ZNF574: variants seen among roughly 807,000 people sequenced by gnomAD.
ZNF574 encodes the protein zinc finger protein 574.
ZNF574 carries 25 observed loss-of-function variants against 56.6 expected under a neutral mutation model. The ratio of observed to expected loss-of-function variants is 0.44; its 90% CI spans 0.32 to 0.62. The LOEUF is 0.62. Ranked by LOEUF, ZNF574 falls within the 20% of genes least tolerant of loss-of-function variation. ZNF574 has a pLI of 0.04. For missense variants in ZNF574, 1,065 were observed against 1,218.9 expected (o/e 0.87, Z 1.88); for synonymous variants, 543 against 492.1 (o/e 1.10, Z -1.37).
rs756508375 is a variant in ZNF574, at chr19:42,079,770, G to A, written c.1164G>A (p.Pro388=). The A allele has an allele frequency of 1.4e-5, 23 of 1,613,858 alleles. No individual in the cohort carries two copies. The highest frequency in any genetic ancestry group is 2.7e-5 in the African/African-American group (2 of 74,842). The change falls in exon 2 of 2, where the codon CCG becomes CCA. Residue 388 remains proline (P), a synonymous_variant. Coordinates refer to ENST00000359044, the MANE Select transcript of ZNF574 (RefSeq NM_022752.6). This position sits in a 1 kb window ranked among gnomAD's most constrained non-coding sequence, Gnocchi z 4.3. ...LLLAHRRAHT[P]NPLHSCPCGK... ...TGGCCCACCGGCGAGCCCACACCCC[G>A]AATCCTCTGCATTCATGTCCATGTG...
upstream of ZNF574, among the ~76,000 whole-genome samples, chr19:42,073,121 G>A (rs1386190856): frequency 1.3e-5 from 2 of 152,174 alleles, no homozygotes; most frequent in East Asian, 1.9e-4. Flanking sequence ...CTTCCTGCCT[G>A]GCAGGCAGGT....
upstream of ZNF574, chr19:42,075,033 G>C (rs1385854916): frequency 6.6e-6 from 1 of 152,210 alleles, no homozygotes; most frequent in African/African-American, 2.4e-5. Context: ...ACAGGCACGA[G>C]CCACCACGCC....
At position 42,069,141 on chromosome 19, in the gene ZNF574, G is replaced by A. The variant is rs1024269070; in HGVS notation, c.250+180G>A. ...AGTGGGGGAGGGTACTTGCCAGTCC[G>A]GAGAACGGGGAGAATGTGGTGCCCC... On this transcript the variant is annotated intron_variant, in intron 1 of 1. Transcript: ENST00000222339. 14 of 404,738 alleles carry A rather than the reference G, an allele frequency of 3.5e-5. 1 individual carries two copies. Among genetic ancestry groups the A allele is most frequent in the South Asian group, 1.9e-4 (2 of 10,720 alleles). The allele number at this position is 404,738 out of a possible 1,614,324, so 25.1% of individuals were successfully genotyped here.
chr19:42,068,545 A>G, exon 1 of ZNF574: 1 of 399,994 alleles, frequency 2.5e-6, no homozygotes, highest in Non-Finnish European at 4.4e-6. Flanking sequence ...TGGAAAAGTG[A>G]CAGAGGGAAG....
In ZNF574 at chr19:42,080,557, C is replaced by T; in HGVS notation, c.1951C>T (p.Leu651Phe). The change falls in exon 2 of 2, where the codon CTC becomes TTC. Residue 651 changes from leucine to phenylalanine, a missense_variant. By Grantham distance (22) the Leu-to-Phe change is conservative (BLOSUM62 0). Transcript: ENST00000359044. The surrounding 1 kb of genome is among the most constrained non-coding windows in gnomAD (Gnocchi z 8.5). ...CGAAFPSSLR[L>F]REHRCAAAAA... Reference sequence around the variant, plus strand: ...GGCTGCCTTCCCCTCCTCACTGCGGCTCCGGGAGCACCGCTGTGCAGCCGC... The same window carrying T: ...GGCTGCCTTCCCCTCCTCACTGCGGTTCCGGGAGCACCGCTGTGCAGCCGC... 6.2e-7 allele frequency: 1 copy of T among 1,612,978 alleles called. No homozygotes were observed.
exon 1 of ZNF574, chr19:42,068,829 A>G: frequency 1.5e-6 from 1 of 658,812 alleles, no homozygotes; most frequent in Non-Finnish European, 2.8e-6. Context: ...GGAGATAGAG[A>G]CTGGACGGGG....
At position 42,080,238 on chromosome 19, in the gene ZNF574, A is replaced by G. The variant is rs751692914; in HGVS notation, c.1632A>G (p.Thr544=). 12 of 1,613,956 alleles carry G rather than the reference A, an allele frequency of 7.4e-6. No individual in the cohort carries two copies. The highest frequency in any genetic ancestry group is 1.3e-5 in the African/African-American group (1 of 74,960). ...CCAACCTGGCCCGCCACCGGCTCAC[A>G]CACACAGGAGAGCGGCCCTACCGGT... ...SPANLARHRL[T]HTGERPYRCG... is the part of the protein sequence containing the mutation. Residue 544 remains threonine (T), a synonymous_variant, in exon 2 of 2, where the codon ACA becomes ACG. Coordinates refer to ENST00000359044, the MANE Select transcript of ZNF574 (RefSeq NM_022752.6). This position sits in a 1 kb window ranked among gnomAD's most constrained non-coding sequence, Gnocchi z 8.5.
In ZNF574 at chr19:42,080,945, A is replaced by G; in HGVS notation, c.2339A>G (p.His780Arg). 1 of 1,613,760 alleles carries G rather than the reference A, an allele frequency of 6.2e-7. No individual in the cohort carries two copies. The highest frequency in any genetic ancestry group is 8.5e-7 in the Non-Finnish European group (1 of 1,179,924). Reference protein sequence around the residue: ...DCGKAFRQSTHLKDHRRLHTG... With the variant: ...DCGKAFRQSTRLKDHRRLHTG... ...GGCAAAGCGTTCCGTCAGAGTACCC[A>G]CCTGAAAGACCACCGGCGCCTGCAC... The change falls in exon 2 of 2, where the codon CAC becomes CGC. Residue 780 changes from histidine to arginine, a missense_variant. Transcript: ENST00000359044. The surrounding 1 kb of genome is among the most constrained non-coding windows in gnomAD (Gnocchi z 8.5).
Position 42,080,122 on chromosome 19 carries a change from A to G in ZNF574, c.1516A>G (p.Lys506Glu). 6.2e-7 allele frequency: 1 copy of G among 1,614,070 alleles called. No homozygotes were observed. Among genetic ancestry groups the G allele is most frequent in the Non-Finnish European group, 8.5e-7 (1 of 1,180,020 alleles). Residue 506 changes from lysine to glutamate, a missense_variant, in exon 2 of 2, where the codon AAG (lysine) becomes GAG (glutamate). Physicochemically the swap from Lys to Glu is moderately conservative, Grantham distance 56 (BLOSUM62 1). Coordinates refer to ENST00000359044, the MANE Select transcript of ZNF574 (RefSeq NM_022752.6). The surrounding 1 kb of genome is among the most constrained non-coding windows in gnomAD (Gnocchi z 8.5). The stretch of plus-strand genomic sequence containing the variant: ...CAGCATTTGTGGCAAGATGTTCAAG[A>G]AGAAGTCTCACGTGCGTAACCACCT... ...KCSICGKMFKKKSHVRNHLRT... is the reference protein window; with the variant it reads ...KCSICGKMFKEKSHVRNHLRT...
upstream of ZNF574, among the ~76,000 whole-genome samples, chr19:42,071,403 T>TCA (rs1476511151): frequency 6.6e-6 from 1 of 151,990 alleles, no homozygotes; most frequent in African/African-American, 2.4e-5. Flanking sequence ...ACTGACACAC[T>TCA]CACGTGCGGC....
At chr19:42,075,422 C>G (rs143455202), upstream of ZNF574, among the ~76,000 whole-genome samples, 307 of 152,306 alleles carry the variant, frequency 2.0e-3, 8 homozygotes, top group East Asian at 0.056. Context: ...CCTATTTCTT[C>G]CAATGAAATT....
upstream of ZNF574, among the ~76,000 whole-genome samples, chr19:42,074,088 G>T (rs1014068001): frequency 2.7e-5 from 4 of 150,312 alleles, no homozygotes; most frequent in South Asian, 8.4e-4. Context: ...AGCTGAGATC[G>T]TGCCACTGTA....
exon 1 of ZNF574, chr19:42,068,602 C>T (rs923942234): frequency 5.8e-5 from 24 of 416,736 alleles, no homozygotes; most frequent in African/African-American, 2.3e-4. Flanking sequence ...GACAGGTGAG[C>T]GGAGGCACAG....
chr19:42,072,553 AT>A (rs909143019), upstream of ZNF574, among the ~76,000 whole-genome samples: 1 of 139,680 alleles, frequency 7.2e-6, no homozygotes, highest in African/African-American at 2.6e-5. Flanking sequence ...CTTTTCTTTT[AT>A]TTTTTCTTTC....
chr19:42,078,440 G>T (rs2076470349), intron 1 of ZNF574, 147 bp from the exon 2 acceptor site: 1 of 714,366 alleles, frequency 1.4e-6, no homozygotes, highest in Non-Finnish European at 2.4e-6. Context: ...GGGGAGGAAG[G>T]ATTATTGGGA....
chr19:42,074,112 G>A (rs796705358), upstream of ZNF574, among the ~76,000 whole-genome samples: 17 of 147,610 alleles, frequency 1.2e-4, no homozygotes, highest in African/African-American at 4.2e-4. Flanking sequence ...CAGCCTGGGC[G>A]GTGGGCGACA....
chr19:42,076,870 A>C (rs2076459867), intron 1 of ZNF574, among the ~76,000 whole-genome samples: 1 of 152,036 alleles, frequency 6.6e-6, no homozygotes, highest in South Asian at 2.1e-4. Flanking sequence ...AATTAATGTG[A>C]AGAGGCCTTA....
rs2146200923 is a variant in ZNF574 at position 42,069,207 on chromosome 19, A to ACCCAGG, written c.250+246_250+247insCCCAGG. 1.2e-5 allele frequency: 4 copies of ACCCAGG among 341,578 alleles called. No homozygotes were observed. In the South Asian group the frequency reaches 5.0e-4, roughly 43 times the overall value. 21.2% of individuals were successfully genotyped at this position (341,578 alleles called of 1,614,324 possible). ...CAGAGCCCAGCCTTCCAGGACCCAG[A>ACCCAGG]ACCCAGCCCAATCCCTGCCCTGCAG... On this transcript the variant is annotated intron_variant, in intron 1 of 1. Transcript: ENST00000222339.
rs760318126 is a variant in ZNF574 at position 42,080,478 on chromosome 19, G to A, written c.1872G>A (p.Val624=). ...RSFLLRRLLE[V]HQLVVHAGRQ... is the part of the protein sequence containing the mutation. ...TCTTGCTGCGTCGGCTGCTGGAGGT[G>A]CACCAGCTCGTGGTCCATGCCGGGC... Residue 624 remains valine, a synonymous_variant, in exon 2 of 2, where the codon GTG becomes GTA. Coordinates refer to ENST00000359044, the MANE Select transcript of ZNF574 (RefSeq NM_022752.6). The surrounding 1 kb of genome is among the most constrained non-coding windows in gnomAD (Gnocchi z 8.5). 6.6e-5 allele frequency: 106 copies of A among 1,613,898 alleles called. No individual in the cohort carries two copies. Among genetic ancestry groups the A allele is most frequent in the Non-Finnish European group, 8.9e-5 (105 of 1,180,032 alleles).
Sources: allele counts gnomAD v4.1 joint callset (sites outside exome capture counted in the v4.1 genomes callset), GRCh38; gene constraint gnomAD v4.1.1; non-coding constraint Gnocchi (gnomAD v3.1); transcripts MANE v1.5; gene names NCBI Gene and HGNC (gene_info 2026-07-23, HGNC 2026-07-21).